Variants in PTPRR observed in about 807,000 individuals in gnomAD.
PTPRR encodes the protein protein tyrosine phosphatase receptor type R, also known as receptor-type tyrosine-protein phosphatase R.
A neutral mutation model predicts 77.2 loss-of-function variants in PTPRR; 38 were observed. The observed-to-expected ratio is 0.49, with a 90% CI of 0.38 to 0.65. The LOEUF (loss-of-function observed/expected upper bound fraction) is 0.65. PTPRR is among the 30% of genes least tolerant of loss of function. The pLI is 0.00. For synonymous variants in PTPRR, 299 were observed against 283.1 expected, an observed-to-expected ratio of 1.06 and a Z score of -0.57; for missense variants, 744 against 799.2, an observed-to-expected ratio of 0.93 and a Z score of 0.83.
intron 12 of PTPRR, 69 bp from the exon 13 acceptor site, chr12:70,656,886 AG>A: frequency 9.1e-7 from 1 of 1,098,590 alleles, no homozygotes; most frequent in Non-Finnish European, 1.4e-6. Flanking sequence ...TTCTTTTACA[AG>A]GGTACTTTTA....
chr12:70,844,399 T>C (rs542420463), intron 2 of PTPRR, among the ~76,000 whole-genome samples: 73 of 152,296 alleles, frequency 4.8e-4, no homozygotes, highest in Admixed American at 2.5e-3. Context: ...TTCCCTACTG[T>C]GATTGAATTC....
intron 4 of PTPRR, among the ~76,000 whole-genome samples, chr12:70,756,268 C>T (rs1253274349): frequency 1.3e-5 from 2 of 151,986 alleles, no homozygotes; most frequent in Non-Finnish European, 2.9e-5. Flanking sequence ...TCCCATCCCC[C>T]ACTCCCAGTT....
chr12:70,660,308 G>C (rs1886750978), intron 12 of PTPRR, among the ~76,000 whole-genome samples: 1 of 152,144 alleles, frequency 6.6e-6, no homozygotes. Context: ...TAGGAAGAGA[G>C]CTTTGAACTA....
At chr12:70,723,919 G>A (rs1039177792) in intron 6 of PTPRR, among the ~76,000 whole-genome samples, 3 of 152,076 alleles carry the variant, frequency 2.0e-5, no homozygotes, top group Non-Finnish European at 4.4e-5. Flanking sequence ...AAATTAAGGA[G>A]CATGGCAATT....
chr12:70,841,813 T>C (rs1892402829), intron 2 of PTPRR, among the ~76,000 whole-genome samples: 1 of 152,192 alleles, frequency 6.6e-6, no homozygotes, highest in Non-Finnish European at 1.5e-5. Context: ...TAGTTTTCAC[T>C]GTAAATTCAA....
intron 2 of PTPRR, among the ~76,000 whole-genome samples, chr12:70,837,957 G>A (rs1592785968): frequency 6.6e-6 from 1 of 152,082 alleles, no homozygotes; most frequent in African/African-American, 2.4e-5. Flanking sequence ...AGGATCTTAT[G>A]AGTTGTATGC....
chr12:70,844,105 C>A lies in PTPRR; in HGVS notation c.357+48574G>T, dbSNP rs139553818. The stretch of plus-strand genomic sequence containing the variant: ...TGCTGGGATTACAGGCGTGAGTCAC[C>A]ATGCCCGGCTTAAAAAAATTATCGA... On this transcript the variant is annotated intron_variant, in intron 2 of 13. Coordinates refer to ENST00000283228, the MANE Select transcript of PTPRR (RefSeq NM_002849.4). Among the ~76,000 whole-genome samples, 435 of 152,104 alleles carry A rather than the reference C, an allele frequency of 2.9e-3. 6 individuals carry two copies. Among genetic ancestry groups the A allele is most frequent in the African/African-American group, 9.8e-3 (405 of 41,502 alleles).
intron 2 of PTPRR, among the ~76,000 whole-genome samples, chr12:70,814,922 T>C (rs1045729902): frequency 3.3e-5 from 5 of 152,072 alleles, no homozygotes; most frequent in African/African-American, 9.7e-5. Context: ...TTCCCAATGT[T>C]TGGAATTCAA....
At chr12:70,645,553 C>T (rs1454498221) in intron 13 of PTPRR, among the ~76,000 whole-genome samples, 1 of 152,176 alleles carries the variant, frequency 6.6e-6, no homozygotes, top group East Asian at 1.9e-4. Flanking sequence ...TTTGTTCATC[C>T]TAATGATGCC....
chr12:70,790,061 A>T (rs894232680), intron 2 of PTPRR, among the ~76,000 whole-genome samples: 4 of 152,200 alleles, frequency 2.6e-5, no homozygotes, highest in Non-Finnish European at 5.9e-5. Flanking sequence ...TCATTCCTGC[A>T]TCATTAGTTC....
intron 6 of PTPRR, among the ~76,000 whole-genome samples, chr12:70,713,942 G>A (rs78728403): frequency 0.021 from 3,138 of 152,174 alleles, 50 homozygotes; most frequent in East Asian, 0.069. Flanking sequence ...TTCTCTGAGC[G>A]TGTTTTGGAT....
intron 4 of PTPRR, among the ~76,000 whole-genome samples, chr12:70,758,361 T>C (rs1890609782): frequency 6.6e-6 from 1 of 151,254 alleles, no homozygotes; most frequent in Non-Finnish European, 1.5e-5. Context: ...AGGTACTTGC[T>C]TTAAAGCCAG....
intron 6 of PTPRR, among the ~76,000 whole-genome samples, chr12:70,702,659 TTTG>T (rs1888471849): frequency 6.6e-6 from 1 of 152,212 alleles, no homozygotes; most frequent in South Asian, 2.1e-4. Flanking sequence ...TGGTTGCATT[TTTG>T]TTGTCATTCT....
At position 70,795,101 on chromosome 12, in the gene PTPRR, T is replaced by C. The variant is rs138518654; in HGVS notation, c.358-30323A>G. 3.9e-5 allele frequency among the ~76,000 whole-genome samples: 6 copies of C among 152,252 alleles called. No individual in the cohort carries two copies. In the East Asian group the frequency reaches 1.2e-3, roughly 29 times the overall value. On this transcript the variant is annotated intron_variant, in intron 2 of 13. Transcript: ENST00000283228. Reference sequence around the variant, plus strand: ...CCATGCTAGTATGGCTAAGGCAATATATATTTTTTTAAAATCCTTTTGGGA... The same window carrying C: ...CCATGCTAGTATGGCTAAGGCAATACATATTTTTTTAAAATCCTTTTGGGA...
intron 4 of PTPRR, among the ~76,000 whole-genome samples, chr12:70,760,356 C>T (rs1485818683): frequency 1.6e-4 from 25 of 152,174 alleles, no homozygotes; most frequent in Admixed American, 1.6e-3. Context: ...GCAAGTGATC[C>T]TGCTGCCTCA....
intron 6 of PTPRR, among the ~76,000 whole-genome samples, chr12:70,741,983 C>A (rs1361189420): frequency 6.6e-6 from 1 of 151,862 alleles, no homozygotes; most frequent in Non-Finnish European, 1.5e-5. Flanking sequence ...TTGGATACAA[C>A]TGAAAAAGAG....
At chr12:70,649,012 G>A (rs1201192402) in intron 13 of PTPRR, among the ~76,000 whole-genome samples, 1 of 152,146 alleles carries the variant, frequency 6.6e-6, no homozygotes, top group Non-Finnish European at 1.5e-5. Context: ...TAAAAATAAT[G>A]TCTTGCCAGA....
intron 2 of PTPRR, among the ~76,000 whole-genome samples, chr12:70,866,610 G>A (rs1384732974): frequency 6.6e-6 from 1 of 152,128 alleles, no homozygotes; most frequent in Non-Finnish European, 1.5e-5. Flanking sequence ...GGTACAAGGA[G>A]GAACTGGTAC....
rs1053262228 is a variant in PTPRR, at chr12:70,638,920, T to C, written c.*264A>G. 10 of 434,248 alleles carry C rather than the reference T, an allele frequency of 2.3e-5. No homozygotes were observed. In the Admixed American group the frequency reaches 2.3e-4, roughly 10 times the overall value. The allele number at this position is 434,248 out of a possible 1,614,324, so 26.9% of individuals were successfully genotyped here. A position where few individuals can be genotyped will look rare whatever the true frequency, so the allele number is the denominator to read the frequency against. ...TAGAGTCAGTACAGACAAAACAAAA[T>C]CTGCCTTAGGCTGTGTGATAAACCT... is the stretch of plus-strand genomic sequence containing the variant. On this transcript the variant is annotated 3_prime_UTR_variant, in exon 14 of 14. Coordinates refer to ENST00000283228, the MANE Select transcript of PTPRR (RefSeq NM_002849.4).
Sources: gnomAD v4.1 joint callset for allele counts (sites outside exome capture counted in the v4.1 genomes callset) on GRCh38, gnomAD v4.1.1 for gene constraint, MANE v1.5 for transcripts, NCBI Gene and HGNC (gene_info 2026-07-23, HGNC 2026-07-21) for gene names.